SNAP91: variants seen among roughly 807,000 people sequenced by gnomAD.
SNAP91 encodes the protein synaptosome associated protein 91.
Under a neutral mutation model 100.3 loss-of-function variants are expected in SNAP91, and 27 were observed. The ratio of observed to expected loss-of-function variants is 0.27; its 90% CI spans 0.20 to 0.37. The LOEUF is 0.37. Ranked by LOEUF, SNAP91 falls within the 10% of genes least tolerant of loss-of-function variation. The probability of loss-of-function intolerance (pLI) is 1.00; values close to 1 mark genes in which losing one functional copy is unlikely to be tolerated. For missense variants in SNAP91, 986 were observed against 1,123.7 expected, an observed-to-expected ratio of 0.88 and a Z score of 1.75; for synonymous variants, 404 against 398.6, an observed-to-expected ratio of 1.01 and a Z score of -0.16.
At chr6:83,681,581 G>A (rs567517837) in intron 2 of SNAP91, among the ~76,000 whole-genome samples, 1 of 151,924 alleles carries the variant, frequency 6.6e-6, no homozygotes, top group African/African-American at 2.4e-5. Flanking sequence ...GAAAAAAAAA[G>A]TTAGAAAACA....
chr6:83,697,638 T>C (rs2099236608), intron 2 of SNAP91, among the ~76,000 whole-genome samples: 1 of 152,186 alleles, frequency 6.6e-6, no homozygotes. Context: ...ACATTAATTA[T>C]ATACATTAAG....
At chr6:83,631,418 T>C (rs1157602974) in intron 8 of SNAP91, among the ~76,000 whole-genome samples, 1 of 152,200 alleles carries the variant, frequency 6.6e-6, no homozygotes, top group Non-Finnish European at 1.5e-5. Flanking sequence ...CTTGATGACC[T>C]GTCTAGTGCT....
chr6:83,616,989 T>G lies in SNAP91; in HGVS notation c.858A>C (p.Glu286Asp), dbSNP rs2096522725. The change falls in exon 10 of 30, where the codon GAA becomes GAC. Residue 286 changes from glutamate (E) to aspartate (D), a missense_variant. Glu to Asp is a conservative substitution (Grantham distance 45). Around this residue, in one of 4 missense-constraint regions of SNAP91, gnomAD observed 330 missense variants for 447.5 expected, o/e 0.74. Coordinates refer to ENST00000369694, the MANE Select transcript of SNAP91 (RefSeq NM_001242792.2). ...CGTACTTGTTTCCAGGTTTCTTTCC[T>G]TCTAATGTATTTAGATGCTGTTCAA... ...ETLEQHLNTL[E>D]GKKPGNNEGS... 1 of 1,547,582 alleles carries G rather than the reference T, an allele frequency of 6.5e-7. No homozygotes were observed. The highest frequency in any genetic ancestry group is 1.4e-5 in the African/African-American group (1 of 72,902).
At chr6:83,555,656 T>C (rs911571989) in intron 29 of SNAP91, among the ~76,000 whole-genome samples, 4 of 152,158 alleles carry the variant, frequency 2.6e-5, no homozygotes, top group African/African-American at 7.2e-5. Flanking sequence ...AATTTAAAAC[T>C]AGAACATTAG....
At chr6:83,665,743 A>G (rs2098669216) in intron 2 of SNAP91, among the ~76,000 whole-genome samples, 162 bp from the exon 3 acceptor site, 1 of 152,038 alleles carries the variant, frequency 6.6e-6, no homozygotes, top group Non-Finnish European at 1.5e-5. Flanking sequence ...TATTTTACCC[A>G]TGGACATGTA....
chr6:83,565,585 A>ATG (rs1486350909), intron 26 of SNAP91, among the ~76,000 whole-genome samples: 1 of 152,134 alleles, frequency 6.6e-6, no homozygotes, highest in Non-Finnish European at 1.5e-5. Flanking sequence ...GATCAGTCCA[A>ATG]TGTTCACAGC....
At chr6:83,622,381 C>T (rs1345647475) in intron 9 of SNAP91, among the ~76,000 whole-genome samples, 1 of 151,966 alleles carries the variant, frequency 6.6e-6, no homozygotes, top group Non-Finnish European at 1.5e-5. Flanking sequence ...CATTTCAAGG[C>T]ATAATAAGGA....
chr6:83,557,693 C>CA (rs968802570), intron 28 of SNAP91, among the ~76,000 whole-genome samples: 1 of 151,278 alleles, frequency 6.6e-6, no homozygotes, highest in Non-Finnish European at 1.5e-5. Context: ...AATAAGCAAA[C>CA]AAAAAAATAA....
At chr6:83,593,987 T>C (rs913075932) in intron 17 of SNAP91, among the ~76,000 whole-genome samples, 1 of 152,220 alleles carries the variant, frequency 6.6e-6, no homozygotes, top group African/African-American at 2.4e-5. Context: ...TGCCGTAAGA[T>C]TAACCTACAG....
chr6:83,618,816 AG>A (rs969503365), intron 9 of SNAP91, among the ~76,000 whole-genome samples: 4 of 151,996 alleles, frequency 2.6e-5, no homozygotes, highest in African/African-American at 9.7e-5. Context: ...CTTTCCAGTT[AG>A]AAAACTTAAG....
At chr6:83,701,739 C>T (rs960631778) in intron 2 of SNAP91, among the ~76,000 whole-genome samples, 4 of 152,150 alleles carry the variant, frequency 2.6e-5, no homozygotes, top group African/African-American at 9.7e-5. Flanking sequence ...TGAGCCACAG[C>T]GCCTGGTGAA....
chr6:83,598,027 T>C (rs2094680617), intron 16 of SNAP91, among the ~76,000 whole-genome samples: 2 of 152,200 alleles, frequency 1.3e-5, no homozygotes, highest in Admixed American at 6.5e-5. Context: ...TGCTCACAAA[T>C]TGACACATTT....
At chr6:83,599,643 C>T (rs911207601) in intron 16 of SNAP91, among the ~76,000 whole-genome samples, 1 of 152,144 alleles carries the variant, frequency 6.6e-6, no homozygotes, top group African/African-American at 2.4e-5. Context: ...ACAACTTTGA[C>T]AAACTCTATT....
intron 2 of SNAP91, among the ~76,000 whole-genome samples, chr6:83,703,427 T>C (rs1231895012): frequency 6.6e-6 from 1 of 152,298 alleles, no homozygotes; most frequent in Middle Eastern, 3.4e-3. Context: ...AATTAAAATA[T>C]ATTTCATATT....
At chr6:83,597,514 A>G (rs1425917674) in intron 16 of SNAP91, among the ~76,000 whole-genome samples, 1 of 152,110 alleles carries the variant, frequency 6.6e-6, no homozygotes, top group African/African-American at 2.4e-5. Context: ...AACCAGCTCT[A>G]TTTCCTAGAA....
At chr6:83,669,196 TTG>T (rs1045223444) in intron 2 of SNAP91, among the ~76,000 whole-genome samples, 12 of 151,976 alleles carry the variant, frequency 7.9e-5, no homozygotes, top group African/African-American at 9.7e-5. Context: ...AATTGCTAGG[TTG>T]TAGGGTATGC....
At chr6:83,598,234 G>A (rs531978466) in intron 16 of SNAP91, among the ~76,000 whole-genome samples, 178 of 152,162 alleles carry the variant, frequency 1.2e-3, no homozygotes, top group African/African-American at 4.0e-3. Context: ...TTTTAAAGGC[G>A]TAACACTGCC....
intron 29 of SNAP91, among the ~76,000 whole-genome samples, chr6:83,554,891 A>T (rs2324445): frequency 0.055 from 8,339 of 152,078 alleles, 534 homozygotes; most frequent in East Asian, 0.17. Flanking sequence ...TAAAATAGTA[A>T]TTCTCTCTGT....
intron 22 of SNAP91, among the ~76,000 whole-genome samples, chr6:83,590,447 C>G (rs1290008792): frequency 6.6e-6 from 1 of 151,862 alleles, no homozygotes; most frequent in Non-Finnish European, 1.5e-5. Flanking sequence ...ACTTGGGCCA[C>G]AAGCAGTAAT....
Sources: allele counts gnomAD v4.1 joint callset (sites outside exome capture counted in the v4.1 genomes callset), GRCh38; gene constraint gnomAD v4.1.1; regional missense constraint gnomAD v4.1.1; transcripts MANE v1.5; gene names NCBI Gene and HGNC (gene_info 2026-07-23, HGNC 2026-07-21).